The following RNF144B variants were observed in gnomAD, a reference collection of about 807,000 sequenced individuals.
RNF144B encodes the protein E3 ubiquitin-protein ligase RNF144B.
In RNF144B, 25 loss-of-function variants were observed where a neutral mutation model predicts 40.2. The ratio of observed to expected loss-of-function variants is 0.62; its 90% CI spans 0.45 to 0.87. The LOEUF is 0.87. RNF144B is among the 40% of genes least tolerant of loss of function. The pLI, the probability that RNF144B is intolerant of heterozygous loss-of-function variation, is 0.00. For missense variants in RNF144B, 365 were observed against 373.7 expected (o/e 0.98, Z 0.19); for synonymous variants, 145 against 136.3 (o/e 1.06, Z -0.44).
chr6:18,444,446 G>A lies in RNF144B; in HGVS notation c.331+4702G>A, dbSNP rs1252242102. 6.6e-6 allele frequency among the ~76,000 whole-genome samples: 1 copy of A among 151,500 alleles called. No homozygotes were observed. Among genetic ancestry groups the A allele is most frequent in the African/African-American group, 2.4e-5 (1 of 41,350 alleles). On this transcript the variant is annotated intron_variant, in intron 4 of 7. Coordinates refer to ENST00000259939, the MANE Select transcript of RNF144B (RefSeq NM_182757.4). The surrounding 1 kb of genome is among the most constrained non-coding windows in gnomAD (Gnocchi z 4.3). Reference sequence around the variant, plus strand: ...ATTTTTCTTGCCTCTTGTTTCCAGAGTCTACTTTTTCAAAATAGTTTTTTT... The same window carrying A: ...ATTTTTCTTGCCTCTTGTTTCCAGAATCTACTTTTTCAAAATAGTTTTTTT...
intron 4 of RNF144B, among the ~76,000 whole-genome samples, chr6:18,439,955 T>A (rs1461906410): frequency 6.6e-6 from 1 of 152,058 alleles, no homozygotes; most frequent in African/African-American, 2.4e-5. Context: ...AGAACTTTCC[T>A]TATGTTGTTT....
chr6:18,430,499 TC>T (rs1758668181), intron 3 of RNF144B, among the ~76,000 whole-genome samples: 1 of 151,946 alleles, frequency 6.6e-6, no homozygotes, highest in Non-Finnish European at 1.5e-5. Context: ...TCTCTCTCTC[TC>T]TCTCTCTTTT....
chr6:18,397,511 A>G (rs899084556), intron 1 of RNF144B, among the ~76,000 whole-genome samples: 1 of 152,216 alleles, frequency 6.6e-6, no homozygotes, highest in Non-Finnish European at 1.5e-5. Flanking sequence ...TATGTGGAGA[A>G]ATTATTTTCA....
In RNF144B at chr6:18,444,379, T is replaced by G. The variant is rs1242668674; in HGVS notation, c.331+4635T>G. ...TGGATTAATGATCACTGCTTTACTT[T>G]CCAGTGGTTCTCAAAGTACATGCCC... On this transcript the variant is annotated intron_variant, in intron 4 of 7. Coordinates refer to ENST00000259939, the MANE Select transcript of RNF144B (RefSeq NM_182757.4). This position sits in a 1 kb window ranked among gnomAD's most constrained non-coding sequence, Gnocchi z 4.3. Among the ~76,000 whole-genome samples, 2 of 152,200 alleles carry G rather than the reference T, an allele frequency of 1.3e-5. No homozygotes were observed. The highest frequency in any genetic ancestry group is 2.9e-5 in the Non-Finnish European group (2 of 68,032).
At chr6:18,436,090 G>C (rs959396703) in intron 3 of RNF144B, among the ~76,000 whole-genome samples, 1 of 151,360 alleles carries the variant, frequency 6.6e-6, no homozygotes, top group Non-Finnish European at 1.5e-5. Flanking sequence ...CATCAATAAT[G>C]AGACATGTTG....
rs535597079 is a variant in RNF144B at position 18,418,761 on chromosome 6, T to C, written c.166-8820T>C. 2.0e-5 allele frequency among the ~76,000 whole-genome samples: 3 copies of C among 151,942 alleles called. No homozygotes were observed. The South Asian group carries it at 6.2e-4, about 32-fold the overall frequency. On this transcript the variant is annotated intron_variant, in intron 2 of 7. Coordinates refer to ENST00000259939, the MANE Select transcript of RNF144B (RefSeq NM_182757.4). This position sits in a 1 kb window ranked among gnomAD's most constrained non-coding sequence, Gnocchi z 5.2. ...CTCAGTTATAGATATCTGAATTATA[T>C]CTCAATAAAACATGACATAATATAA...
rs928371961 is a variant in RNF144B, at chr6:18,458,870, A to G, written c.537-737A>G. 1.3e-5 allele frequency among the ~76,000 whole-genome samples: 2 copies of G among 152,196 alleles called. No individual in the cohort carries two copies. Among genetic ancestry groups the G allele is most frequent in the South Asian group, 4.1e-4 (2 of 4,828 alleles). ...GGCTTCAATGAGCATTTCCTTTGTC[A>G]TGTTGGCACTCAAAAAGTTTCAGAT... On this transcript the variant is annotated intron_variant, in intron 5 of 7. Transcript: ENST00000259939. The surrounding 1 kb of genome is among the most constrained non-coding windows in gnomAD (Gnocchi z 4.8).
At chr6:18,451,331 A>G (rs1437150874) in intron 4 of RNF144B, among the ~76,000 whole-genome samples, 3 of 152,208 alleles carry the variant, frequency 2.0e-5, no homozygotes, top group Non-Finnish European at 4.4e-5. Context: ...ACATGTGTCT[A>G]ATTTTCAGTC....
chr6:18,429,735 G>A (rs939631068), intron 3 of RNF144B, among the ~76,000 whole-genome samples: 1 of 152,140 alleles, frequency 6.6e-6, no homozygotes, highest in African/African-American at 2.4e-5. Context: ...GTATTTGGGT[G>A]TATCTTTCTA....
intron 2 of RNF144B, among the ~76,000 whole-genome samples, chr6:18,403,782 G>A (rs192902772): frequency 2.0e-5 from 3 of 152,246 alleles, no homozygotes; most frequent in Admixed American, 6.5e-5. Context: ...AGAGAAGCAC[G>A]GTGCTGACAT....
intron 3 of RNF144B, among the ~76,000 whole-genome samples, chr6:18,438,455 A>T (rs1393168117): frequency 1.3e-5 from 2 of 152,208 alleles, no homozygotes; most frequent in African/African-American, 2.4e-5. Flanking sequence ...AAATTTGGAT[A>T]AAAATGTTTT....
intron 4 of RNF144B, among the ~76,000 whole-genome samples, chr6:18,440,115 C>G (rs1758926909): frequency 1.3e-5 from 2 of 152,086 alleles, no homozygotes; most frequent in Admixed American, 6.6e-5. Context: ...CATTACCAGC[C>G]CAAACATTTT....
At chr6:18,437,789 C>A (rs9477744) in intron 3 of RNF144B, among the ~76,000 whole-genome samples, 3,498 of 152,224 alleles carry the variant, frequency 0.023, 74 homozygotes, top group African/African-American at 0.046. Context: ...GCATTAATTT[C>A]TGTCATTTTT....
rs1444164411 is a variant in RNF144B at position 18,402,081 on chromosome 6, TA to T, written c.165+2385del. 25 of 88,506 alleles carry T rather than the reference TA, an allele frequency of 2.8e-4. 9 individuals are homozygous for T. The highest frequency in any genetic ancestry group is 9.3e-4 in the Admixed American group (8 of 8,566). 5.5% of individuals were successfully genotyped at this position (88,506 alleles called of 1,614,324 possible). On this transcript the variant is annotated intron_variant, in intron 2 of 7. Coordinates refer to ENST00000259939, the MANE Select transcript of RNF144B (RefSeq NM_182757.4). The stretch of plus-strand genomic sequence containing the variant: ...TACTGGTATATTTTCTTGGATTTAA[TA>T]AAGCTTTAACAATATTCTGTCATTG...
chr6:18,461,717 C>T (rs377131051), intron 6 of RNF144B, among the ~76,000 whole-genome samples: 1 of 152,144 alleles, frequency 6.6e-6, no homozygotes, highest in South Asian at 2.1e-4. Flanking sequence ...TCAGTTTTAG[C>T]CAGGGGCATT....
intron 1 of RNF144B, among the ~76,000 whole-genome samples, chr6:18,390,551 A>C (rs1794559089): frequency 6.6e-6 from 1 of 152,200 alleles, no homozygotes; most frequent in Non-Finnish European, 1.5e-5. Context: ...ATAGCTGGAG[A>C]TACTTCTGAT....
rs1759418286 is a variant in RNF144B, at chr6:18,460,131, A to G, written c.681+380A>G. Among the ~76,000 whole-genome samples the G allele has an allele frequency of 6.6e-6, 1 of 152,240 alleles. No homozygotes were observed. Among genetic ancestry groups the G allele is most frequent in the East Asian group, 1.9e-4 (1 of 5,200 alleles). Reference sequence around the variant, plus strand: ...CAGTTCTTCACTTTGGAAGTCTGACATAGGTCTTGCTGGATTAAAATCAAG... The same window carrying G: ...CAGTTCTTCACTTTGGAAGTCTGACGTAGGTCTTGCTGGATTAAAATCAAG... On this transcript the variant is annotated intron_variant, in intron 6 of 7. Transcript: ENST00000259939. The surrounding 1 kb of genome is among the most constrained non-coding windows in gnomAD (Gnocchi z 4.4).
At position 18,399,608 on chromosome 6, in the gene RNF144B, C is replaced by G; in HGVS notation, c.74C>G (p.Ala25Gly). 1 of 1,614,044 alleles carries G rather than the reference C, an allele frequency of 6.2e-7. No individual in the cohort carries two copies. The highest frequency in any genetic ancestry group is 1.1e-5 in the South Asian group (1 of 91,076). Residue 25 changes from alanine (A) to glycine (G), a missense_variant, in exon 2 of 8, where the codon GCC becomes GGC. Ala to Gly is a moderately conservative substitution (Grantham distance 60, BLOSUM62 0). Coordinates refer to ENST00000259939, the MANE Select transcript of RNF144B (RefSeq NM_182757.4). Reference protein sequence around the residue: ...ENPTPGDLAPAPLITCKLCLC... With the variant: ...ENPTPGDLAPGPLITCKLCLC... ...CCCACTCCTGGAGACCTGGCTCCGG[C>G]CCCCCTCATCACTTGCAAACTCTGC... is the stretch of plus-strand genomic sequence containing the variant.
chr6:18,448,715 CA>C lies in RNF144B; in HGVS notation c.332-8439del, dbSNP rs1759141152. On this transcript the variant is annotated intron_variant, in intron 4 of 7. Coordinates refer to ENST00000259939, the MANE Select transcript of RNF144B (RefSeq NM_182757.4). This position sits in a 1 kb window ranked among gnomAD's most constrained non-coding sequence, Gnocchi z 4.0. ...ACACACACACACACACACACACACA[CA>C]CCCCACCCCCAAGATAGAACCAGCA... 3.3e-5 allele frequency among the ~76,000 whole-genome samples: 5 copies of C among 149,916 alleles called. No homozygotes were observed. The highest frequency in any genetic ancestry group is 6.7e-5 in the Admixed American group (1 of 14,868).
Sources: gnomAD v4.1 joint callset for allele counts (sites outside exome capture counted in the v4.1 genomes callset) on GRCh38, gnomAD v4.1.1 for gene constraint, Gnocchi (gnomAD v3.1) non-coding constraint, MANE v1.5 for transcripts, NCBI Gene and HGNC (gene_info 2026-07-23, HGNC 2026-07-21) for gene names.